The following DSCAM variants were observed in gnomAD, a reference collection of about 807,000 sequenced individuals.
The protein encoded by DSCAM is cell adhesion molecule DSCAM.
Under a neutral mutation model 217.7 loss-of-function variants are expected in DSCAM, and 47 were observed. The observed-to-expected ratio is 0.22, with a 90% CI of 0.17 to 0.28. The LOEUF (loss-of-function observed/expected upper bound fraction) is 0.28. Among genes scored for constraint, DSCAM ranks in the 10% least tolerant of loss-of-function variants. The probability of loss-of-function intolerance (pLI) is 1.00; values close to 1 mark genes in which losing one functional copy is unlikely to be tolerated. For synonymous variants in DSCAM, 1,056 were observed against 1,015.3 expected, an observed-to-expected ratio of 1.04 and a Z score of -0.76; for missense variants, 2,080 against 2,618.3, an observed-to-expected ratio of 0.79 and a Z score of 4.49.
chr21:40,196,793 T>C (rs1261083895), intron 11 of DSCAM, among the ~76,000 whole-genome samples: 1 of 152,194 alleles, frequency 6.6e-6, no homozygotes, highest in Non-Finnish European at 1.5e-5. Flanking sequence ...GCTAAGAACT[T>C]TTCCATATAC....
chr21:40,547,782 T>A (rs2076595476), intron 3 of DSCAM, among the ~76,000 whole-genome samples: 2 of 152,122 alleles, frequency 1.3e-5, no homozygotes. Context: ...CCTTCAAATG[T>A]GCCTCAAATT....
intron 3 of DSCAM, among the ~76,000 whole-genome samples, chr21:40,570,617 C>T (rs1356307800): frequency 2.0e-5 from 3 of 152,098 alleles, no homozygotes; most frequent in Admixed American, 6.5e-5. Flanking sequence ...TTTGTAGCTG[C>T]GATGAAGGCT....
intron 11 of DSCAM, among the ~76,000 whole-genome samples, chr21:40,232,598 T>C (rs2091391992): frequency 6.6e-6 from 1 of 152,312 alleles, no homozygotes; most frequent in Non-Finnish European, 1.5e-5. Flanking sequence ...ATAAGTGTCT[T>C]CTACCTCCAG....
At chr21:40,661,231 A>G (rs1228350743) in intron 3 of DSCAM, among the ~76,000 whole-genome samples, 1 of 152,230 alleles carries the variant, frequency 6.6e-6, no homozygotes, top group African/African-American at 2.4e-5. Context: ...AGATTCACAA[A>G]TACGTTGCAG....
At chr21:40,063,302 A>G (rs988955840) in intron 27 of DSCAM, among the ~76,000 whole-genome samples, 1 of 152,192 alleles carries the variant, frequency 6.6e-6, no homozygotes. Context: ...GCATTATTAC[A>G]GAGCTCTGAG....
chr21:40,533,661 CCATT>C (rs1044039589), intron 3 of DSCAM, among the ~76,000 whole-genome samples: 4 of 151,592 alleles, frequency 2.6e-5, no homozygotes, highest in Admixed American at 6.6e-5. Flanking sequence ...ATCCATCCAT[CCATT>C]CATCCATCTG....
chr21:40,378,410 T>C (rs1298589478), intron 3 of DSCAM, among the ~76,000 whole-genome samples: 1 of 152,134 alleles, frequency 6.6e-6, no homozygotes, highest in African/African-American at 2.4e-5. Context: ...GAAGGGCAAC[T>C]TGCCAGTATA....
chr21:40,077,656 G>A (rs973750421), intron 26 of DSCAM, among the ~76,000 whole-genome samples: 3 of 152,208 alleles, frequency 2.0e-5, no homozygotes, highest in African/African-American at 7.2e-5. Context: ...TCAGTTATGA[G>A]TGACTTCATT....
intron 3 of DSCAM, among the ~76,000 whole-genome samples, chr21:40,571,608 G>A (rs2076807289): frequency 6.6e-6 from 1 of 152,070 alleles, no homozygotes. Context: ...GAAAACATAG[G>A]TAGTATAACA....
intron 11 of DSCAM, among the ~76,000 whole-genome samples, chr21:40,237,279 T>C (rs1364094984): frequency 6.6e-6 from 1 of 152,178 alleles, no homozygotes; most frequent in Non-Finnish European, 1.5e-5. Flanking sequence ...GTTTGTTACA[T>C]AGGTATATAC....
chr21:40,161,079 T>C (rs75858775), intron 16 of DSCAM, among the ~76,000 whole-genome samples: 8,617 of 152,230 alleles, frequency 0.057, 808 homozygotes, highest in African/African-American at 0.2. Context: ...CCCCTGTGGC[T>C]GCGAGTAGCT....
At chr21:40,070,842 C>T (rs2089283704) in intron 27 of DSCAM, among the ~76,000 whole-genome samples, 1 of 152,164 alleles carries the variant, frequency 6.6e-6, no homozygotes, top group South Asian at 2.1e-4. Context: ...GAACCCAGAT[C>T]CTCTCTGGGA....
At chr21:40,492,460 C>G (rs1351263390) in intron 3 of DSCAM, among the ~76,000 whole-genome samples, 1 of 151,972 alleles carries the variant, frequency 6.6e-6, no homozygotes, top group Non-Finnish European at 1.5e-5. Flanking sequence ...AACCTCAGAA[C>G]TCTTCAAAAA....
intron 3 of DSCAM, among the ~76,000 whole-genome samples, chr21:40,634,289 A>C (rs2089727555): frequency 6.6e-6 from 1 of 152,164 alleles, no homozygotes; most frequent in Admixed American, 6.5e-5. Context: ...TTCTGTCCGT[A>C]ATTTTTGGTG....
intron 3 of DSCAM, among the ~76,000 whole-genome samples, chr21:40,591,107 T>G (rs1478901272): frequency 1.4e-5 from 1 of 70,098 alleles, no homozygotes; most frequent in African/African-American, 4.4e-5. Flanking sequence ...GATCACATTT[T>G]TTTTAGGTGT....
intron 3 of DSCAM, among the ~76,000 whole-genome samples, chr21:40,632,619 G>A (rs2089707390): frequency 6.6e-6 from 1 of 152,144 alleles, no homozygotes; most frequent in African/African-American, 2.4e-5. Context: ...AAAATAACGT[G>A]TTTTGCTTAT....
chr21:40,488,224 C>T (rs151017708), intron 3 of DSCAM, among the ~76,000 whole-genome samples: 48 of 152,326 alleles, frequency 3.2e-4, no homozygotes, highest in African/African-American at 1.1e-3. Flanking sequence ...GAGACGGACA[C>T]CTTTGTTGAG....
At chr21:40,664,967 A>C (rs145995122) in intron 3 of DSCAM, among the ~76,000 whole-genome samples, 4 of 152,090 alleles carry the variant, frequency 2.6e-5, no homozygotes, top group African/African-American at 9.6e-5. Context: ...AAGAGTCTGG[A>C]ACCTCCTCTT....
intron 1 of DSCAM, among the ~76,000 whole-genome samples, chr21:40,792,833 AG>A (rs796722204): frequency 1.3e-5 from 2 of 152,306 alleles, no homozygotes; most frequent in African/African-American, 4.8e-5. Context: ...AGTTTCTGAC[AG>A]CTCTGAATGT....
Sources: gnomAD v4.1 joint callset for allele counts (sites outside exome capture counted in the v4.1 genomes callset) on GRCh38, gnomAD v4.1.1 for gene constraint, MANE v1.5 for transcripts, NCBI Gene and HGNC (gene_info 2026-07-23, HGNC 2026-07-21) for gene names.